AKT3: variants seen among roughly 807,000 people sequenced by gnomAD.
AKT3 encodes RAC-gamma serine/threonine-protein kinase.
In AKT3, 15 loss-of-function variants were observed where a neutral mutation model predicts 65.3. The observed-to-expected ratio is 0.23, with a 90% CI of 0.15 to 0.35. The LOEUF (loss-of-function observed/expected upper bound fraction) is 0.35, where lower values mean the gene tolerates loss of function less well. Among genes scored for constraint, AKT3 ranks in the 10% least tolerant of loss-of-function variants. The pLI, the probability that AKT3 is intolerant of heterozygous loss-of-function variation, is 1.00. For synonymous variants in AKT3, 206 were observed against 183.8 expected (o/e 1.12, Z -0.98); for missense variants, 243 against 576.5 (o/e 0.42, Z 5.92).
In AKT3 at chr1:243,550,719, G is replaced by A. The variant is rs1414743263; in HGVS notation, c.1163+2010C>T. Among the ~76,000 whole-genome samples, 3 of 146,398 alleles carry A rather than the reference G, an allele frequency of 2.0e-5. No individual in the cohort carries two copies. The Admixed American group carries it at 2.2e-4, about 11-fold the overall frequency. ...CCAGCACTTTGGAAAGCCGAGGGGGGTGGATCACGAGGTCAGGAGATGGAG... is the reference window on the plus strand; with the variant it reads ...CCAGCACTTTGGAAAGCCGAGGGGGATGGATCACGAGGTCAGGAGATGGAG... On this transcript the variant is annotated intron_variant, in intron 11 of 13. Coordinates refer to ENST00000673466, the MANE Select transcript of AKT3 (RefSeq NM_005465.7).
At chr1:243,602,210 AT>A (rs934892382) in intron 8 of AKT3, among the ~76,000 whole-genome samples, 1 of 152,206 alleles carries the variant, frequency 6.6e-6, no homozygotes, top group Admixed American at 6.5e-5. Context: ...TTTTTTAAAA[AT>A]GTCTTTGAAT....
intron 2 of AKT3, among the ~76,000 whole-genome samples, chr1:243,798,300 C>G (rs1447295226): frequency 6.7e-6 from 1 of 148,950 alleles, no homozygotes; most frequent in East Asian, 2.0e-4. Context: ...GCAGCCTGAC[C>G]TCCTGGACTC....
chr1:243,808,667 G>A (rs999083374), intron 2 of AKT3, among the ~76,000 whole-genome samples: 2 of 152,004 alleles, frequency 1.3e-5, no homozygotes, highest in African/African-American at 2.4e-5. Context: ...TCAGATTCAG[G>A]AAATACAGAA....
chr1:243,700,407 G>A (rs1024065665), intron 2 of AKT3, among the ~76,000 whole-genome samples: 4 of 151,918 alleles, frequency 2.6e-5, no homozygotes, highest in Non-Finnish European at 4.4e-5. Flanking sequence ...TAAAACAAAC[G>A]ATCTCAATGA....
rs563128102 is a variant in AKT3, at chr1:243,571,072, C to T, written c.819+1854G>A. Among the ~76,000 whole-genome samples the T allele has an allele frequency of 7.2e-5, 11 of 152,274 alleles. No individual in the cohort carries two copies. In the East Asian group the frequency reaches 1.9e-3, roughly 27 times the overall value. The stretch of plus-strand genomic sequence containing the variant: ...TGGTGGCTCATGCCTGTAATCCCAG[C>T]ATTTTGGAAGGTCGAGGCAGGCGGT... On this transcript the variant is annotated intron_variant, in intron 9 of 13. Coordinates refer to ENST00000673466, the MANE Select transcript of AKT3 (RefSeq NM_005465.7).
At chr1:243,817,772 G>A (rs1440253475) in intron 2 of AKT3, among the ~76,000 whole-genome samples, 3 of 152,126 alleles carry the variant, frequency 2.0e-5, no homozygotes, top group Admixed American at 2.0e-4. Context: ...CAAACAGTCT[G>A]AAAACCCAGC....
intron 3 of AKT3, among the ~76,000 whole-genome samples, chr1:243,666,532 A>T (rs563184909): frequency 2.0e-5 from 3 of 152,120 alleles, no homozygotes; most frequent in African/African-American, 7.2e-5. Context: ...AACCAAACTC[A>T]GTATTTTCCC....
intron 6 of AKT3, among the ~76,000 whole-genome samples, chr1:243,633,855 A>G (rs534601255): frequency 6.6e-6 from 1 of 152,282 alleles, no homozygotes; most frequent in African/African-American, 2.4e-5. Flanking sequence ...TCGATTAAAC[A>G]AACAATAAGA....
chr1:243,534,529 T>C (rs1277446387), intron 12 of AKT3, among the ~76,000 whole-genome samples: 1 of 152,224 alleles, frequency 6.6e-6, no homozygotes, highest in Non-Finnish European at 1.5e-5. Flanking sequence ...TGGAATATTT[T>C]ATCCAAGAAA....
intron 2 of AKT3, among the ~76,000 whole-genome samples, chr1:243,753,348 A>G (rs1018910835): frequency 6.6e-6 from 1 of 152,336 alleles, no homozygotes; most frequent in East Asian, 1.9e-4. Flanking sequence ...TTCCTACGTA[A>G]GCAGATTAGC....
At chr1:243,530,453 C>A (rs1418307994) in intron 12 of AKT3, among the ~76,000 whole-genome samples, 4 of 152,012 alleles carry the variant, frequency 2.6e-5, no homozygotes, top group South Asian at 2.1e-4. Flanking sequence ...AAGGTAGAAA[C>A]CAAGAAATTC....
intron 2 of AKT3, among the ~76,000 whole-genome samples, chr1:243,742,625 A>C (rs1688232335): frequency 6.6e-6 from 1 of 152,212 alleles, no homozygotes; most frequent in Non-Finnish European, 1.5e-5. Flanking sequence ...ACTCCATCTC[A>C]ATAAATAAAT....
intron 2 of AKT3, among the ~76,000 whole-genome samples, chr1:243,723,455 G>A (rs1454947799): frequency 6.6e-6 from 1 of 152,136 alleles, no homozygotes; most frequent in African/African-American, 2.4e-5. Context: ...CAAGTTAAAT[G>A]TTCTCTAGAA....
intron 10 of AKT3, among the ~76,000 whole-genome samples, chr1:243,562,585 A>G (rs1471869802): frequency 6.6e-6 from 1 of 152,192 alleles, no homozygotes; most frequent in Non-Finnish European, 1.5e-5. Context: ...TGTGTTCCCT[A>G]GGACATTTGC....
intron 2 of AKT3, among the ~76,000 whole-genome samples, chr1:243,746,295 T>C (rs1169891498): frequency 1.3e-5 from 2 of 152,372 alleles, no homozygotes; most frequent in Non-Finnish European, 2.9e-5. Context: ...ATTTTCATAA[T>C]ATCTAAATCA....
intron 2 of AKT3, among the ~76,000 whole-genome samples, chr1:243,714,505 A>T (rs1686378499): frequency 6.6e-6 from 1 of 152,230 alleles, no homozygotes; most frequent in Non-Finnish European, 1.5e-5. Context: ...TTTCAGAAAG[A>T]TCACCTGGTT....
At chr1:243,508,758 C>G (rs148769384) in intron 13 of AKT3, among the ~76,000 whole-genome samples, 1 of 150,808 alleles carries the variant, frequency 6.6e-6, no homozygotes, top group Non-Finnish European at 1.5e-5. Flanking sequence ...TTCTGCCTCC[C>G]GGGTTCAAGC....
chr1:243,792,032 G>C (rs1300804011), intron 2 of AKT3, among the ~76,000 whole-genome samples: 1 of 152,136 alleles, frequency 6.6e-6, no homozygotes, highest in Non-Finnish European at 1.5e-5. Flanking sequence ...AAGATTTAAG[G>C]AAACTCAGGC....
At position 243,788,035 on chromosome 1, in the gene AKT3, G is replaced by T. The variant is rs561945348; in HGVS notation, c.46+55090C>A. Among the ~76,000 whole-genome samples, 14 of 151,610 alleles carry T rather than the reference G, an allele frequency of 9.2e-5. 2 individuals carry two copies. The South Asian group carries it at 3.0e-3, about 32-fold the overall frequency. On this transcript the variant is annotated intron_variant, in intron 2 of 13. Coordinates refer to ENST00000673466, the MANE Select transcript of AKT3 (RefSeq NM_005465.7). ...CTGGAATTCCCTAATGTATGCATTT[G>T]AGAACCCTATTCTAAAAAAAAACTT...
Sources: allele counts gnomAD v4.1 joint callset (sites outside exome capture counted in the v4.1 genomes callset), GRCh38; gene constraint gnomAD v4.1.1; transcripts MANE v1.5; gene names NCBI Gene and HGNC (gene_info 2026-07-23, HGNC 2026-07-21).